Variants in IMMP2L observed in about 807,000 individuals in gnomAD.
The protein encoded by IMMP2L is mitochondrial inner membrane protease subunit 2.
A neutral mutation model predicts 19.3 loss-of-function variants in IMMP2L; 18 were observed. That is an observed-to-expected ratio of 0.93 (90% CI 0.64 to 1.38). The LOEUF (loss-of-function observed/expected upper bound fraction) is 1.38. IMMP2L is among the 40% of genes most tolerant of loss of function. The pLI, the probability that IMMP2L is intolerant of heterozygous loss-of-function variation, is 0.00. For missense variants in IMMP2L, 233 were observed against 218.2 expected (o/e 1.07, Z -0.43); for synonymous variants, 76 against 73.0 (o/e 1.04, Z -0.21).
chr7:110,741,829 TTG>T (rs1797006402), intron 5 of IMMP2L, among the ~76,000 whole-genome samples: 1 of 152,230 alleles, frequency 6.6e-6, no homozygotes, highest in Admixed American at 6.5e-5. Context: ...AATGTTTATA[TTG>T]TCTTTCCAAT....
chr7:110,900,947 C>G (rs909658474), intron 4 of IMMP2L, among the ~76,000 whole-genome samples: 4 of 152,000 alleles, frequency 2.6e-5, no homozygotes. Flanking sequence ...CCACACTGGC[C>G]TTTTCAATGT....
intron 3 of IMMP2L, among the ~76,000 whole-genome samples, chr7:111,064,290 T>G (rs927226885): frequency 6.6e-6 from 1 of 152,064 alleles, no homozygotes; most frequent in African/African-American, 2.4e-5. Context: ...CCACAACACA[T>G]GGGAATTGTG....
intron 3 of IMMP2L, among the ~76,000 whole-genome samples, chr7:111,321,813 T>C (rs1024521730): frequency 1.3e-5 from 2 of 151,972 alleles, no homozygotes; most frequent in Non-Finnish European, 2.9e-5. Context: ...GGAATGGAAC[T>C]ACAGAGTGAT....
In IMMP2L at chr7:110,663,663, C is replaced by T. The variant is rs201298424; in HGVS notation, c.467G>A (p.Trp156Ter). The T allele has an allele frequency of 6.2e-7, 1 of 1,610,990 alleles. No homozygotes were observed. The highest frequency in any genetic ancestry group is 8.5e-7 in the Non-Finnish European group (1 of 1,178,034). ...ATHILWPPERWQKLESVLPPE... is the reference protein window; with the variant it reads ...ATHILWPPER ...AGGAAGAACAGATTCCAATTTCTGCCAGCGCTCTGGGGGCCACAGGATATG... is the reference window on the plus strand; with the variant it reads ...AGGAAGAACAGATTCCAATTTCTGCTAGCGCTCTGGGGGCCACAGGATATG... The change falls in exon 6 of 6, where the codon TGG becomes TAG. Residue 156 changes from tryptophan (W) to a stop codon, truncating the protein, a stop_gained. Coordinates refer to ENST00000405709, the MANE Select transcript of IMMP2L (RefSeq NM_032549.4). LOFTEE classifies it high-confidence loss of function.
intron 3 of IMMP2L, among the ~76,000 whole-genome samples, chr7:111,428,348 A>G (rs1449170049): frequency 1.3e-5 from 2 of 151,798 alleles, no homozygotes; most frequent in Non-Finnish European, 2.9e-5. Flanking sequence ...AGGGGGTTTC[A>G]ATTGTAATTT....
intron 3 of IMMP2L, among the ~76,000 whole-genome samples, chr7:111,185,810 A>G (rs1808208002): frequency 6.6e-6 from 1 of 152,206 alleles, no homozygotes; most frequent in African/African-American, 2.4e-5. Context: ...ATAAACAGAT[A>G]TGAGTAATTA....
intron 3 of IMMP2L, among the ~76,000 whole-genome samples, chr7:111,226,379 C>T (rs214473): frequency 2.0e-5 from 3 of 151,792 alleles, no homozygotes; most frequent in East Asian, 3.9e-4. Flanking sequence ...ATGTTGCCCA[C>T]GCTGGTCTTG....
intron 5 of IMMP2L, among the ~76,000 whole-genome samples, chr7:110,713,675 G>C (rs1488643950): frequency 3.4e-5 from 5 of 145,994 alleles, no homozygotes; most frequent in Non-Finnish European, 6.0e-5. Flanking sequence ...TTTAGTTTTT[G>C]TTTGTTTTTG....
intron 3 of IMMP2L, among the ~76,000 whole-genome samples, chr7:111,332,503 A>G (rs929066170): frequency 1.3e-5 from 2 of 152,008 alleles, no homozygotes; most frequent in African/African-American, 4.8e-5. Context: ...ATATCTATGT[A>G]CCAAATAATA....
At chr7:111,514,183 T>G (rs1458042147) in intron 2 of IMMP2L, among the ~76,000 whole-genome samples, 4 of 152,076 alleles carry the variant, frequency 2.6e-5, no homozygotes, top group African/African-American at 9.7e-5. Context: ...AGATCTTAAA[T>G]GTTCTCACCA....
intron 3 of IMMP2L, among the ~76,000 whole-genome samples, chr7:111,443,947 T>C (rs1838018965): frequency 6.6e-6 from 1 of 152,134 alleles, no homozygotes; most frequent in South Asian, 2.1e-4. Context: ...AGTATGTGCA[T>C]CTTCACAGGG....
chr7:111,176,984 C>T (rs1807135915), intron 3 of IMMP2L, among the ~76,000 whole-genome samples: 1 of 151,902 alleles, frequency 6.6e-6, no homozygotes, highest in African/African-American at 2.4e-5. Flanking sequence ...CCTGAATATA[C>T]ACTTCATTGG....
intron 3 of IMMP2L, among the ~76,000 whole-genome samples, chr7:111,287,992 C>T (rs561736217): frequency 1.1e-3 from 163 of 152,244 alleles, no homozygotes; most frequent in African/African-American, 3.9e-3. Flanking sequence ...AATGAAATGC[C>T]TTGCATAGGT....
chr7:111,017,309 T>C (rs1210432076), intron 3 of IMMP2L, among the ~76,000 whole-genome samples: 2 of 151,906 alleles, frequency 1.3e-5, no homozygotes, highest in Non-Finnish European at 2.9e-5. Flanking sequence ...AGTGATCCTC[T>C]TGCCTGGGCC....
intron 3 of IMMP2L, among the ~76,000 whole-genome samples, chr7:111,486,839 T>A (rs1479741419): frequency 6.6e-6 from 1 of 152,154 alleles, no homozygotes; most frequent in Non-Finnish European, 1.5e-5. Flanking sequence ...TAAATGTCAA[T>A]GATTTTCATG....
In IMMP2L at chr7:111,547,515, CCT is replaced by C. The variant is rs371830643; in HGVS notation, c.-3+14334_-3+14335del. Among the ~76,000 whole-genome samples the C allele has an allele frequency of 1.6e-3, 243 of 147,972 alleles. 1 individual carries two copies. Among genetic ancestry groups the C allele is most frequent in the Middle Eastern group, 0.014 (4 of 294 alleles). On this transcript the variant is annotated intron_variant, in intron 1 of 5. Transcript: ENST00000405709. The stretch of plus-strand genomic sequence containing the variant: ...TAAACAAACTGTCATACCCCCCCCC[CCT>C]TTTTATCCTGCTTTTTTGCTTGTTT...
Position 110,767,166 on chromosome 7 carries a change from T to C in IMMP2L, c.409-103445A>G, listed in dbSNP as rs570249234. ...ATAATTTATTTATCCTATTAAGCCATATTGTTGTTGCTTATGAGTTGGACA... is the reference window on the plus strand; with the variant it reads ...ATAATTTATTTATCCTATTAAGCCACATTGTTGTTGCTTATGAGTTGGACA... On this transcript the variant is annotated intron_variant, in intron 5 of 5. Transcript: ENST00000405709. Among the ~76,000 whole-genome samples, 7 of 152,244 alleles carry C rather than the reference T, an allele frequency of 4.6e-5. No individual in the cohort carries two copies. The East Asian group carries it at 5.8e-4, about 13-fold the overall frequency.
intron 2 of IMMP2L, among the ~76,000 whole-genome samples, chr7:111,491,374 G>A (rs114783267): frequency 2.8e-3 from 422 of 152,142 alleles, no homozygotes; most frequent in African/African-American, 7.5e-3. Flanking sequence ...TCACCCCCTC[G>A]TTGTTCAAGA....
At position 111,037,820 on chromosome 7, in the gene IMMP2L, G is replaced by C. The variant is rs10278436; in HGVS notation, c.240-74255C>G. On this transcript the variant is annotated intron_variant, in intron 3 of 5. Transcript: ENST00000405709. ...TCTAATAAAAGGCATAATGAAAAGG[G>C]AGAAACTATGTGCAGAAAATAGCAA... Among the ~76,000 whole-genome samples the C allele has an allele frequency of 9.8e-3, 1,494 of 152,236 alleles. 22 individuals are homozygous for C. Among genetic ancestry groups the C allele is most frequent in the African/African-American group, 0.033 (1,383 of 41,540 alleles).
Sources: gnomAD v4.1 joint callset for allele counts (sites outside exome capture counted in the v4.1 genomes callset) on GRCh38, gnomAD v4.1.1 for gene constraint, MANE v1.5 for transcripts, NCBI Gene and HGNC (gene_info 2026-07-23, HGNC 2026-07-21) for gene names.